The following ZNF541 variants were observed in gnomAD, a reference collection of about 807,000 sequenced individuals.
The protein encoded by ZNF541 is zinc finger protein 541.
Under a neutral mutation model 123.5 loss-of-function variants are expected in ZNF541, and 23 were observed. The ratio of observed to expected loss-of-function variants is 0.19; its 90% confidence interval spans 0.13 to 0.26. The LOEUF (loss-of-function observed/expected upper bound fraction) is 0.26, where lower values mean the gene tolerates loss of function less well. ZNF541 is among the 10% of genes least tolerant of loss of function. The pLI is 1.00. For missense variants in ZNF541, 1,612 were observed against 1,789.9 expected (o/e 0.90, Z 1.79); for synonymous variants, 751 against 754.5 (o/e 1.00, Z 0.08).
Position 47,521,045 on chromosome 19 carries a change from C to T in ZNF541, c.*179G>A, listed in dbSNP as rs1353280982. On this transcript the variant is annotated 3_prime_UTR_variant, in exon 17 of 17. Transcript: ENST00000391901. The surrounding 1 kb of genome is among the most constrained non-coding windows in gnomAD (Gnocchi z 4.2). Reference sequence around the variant, plus strand: ...CACCGGACAGGGACTGCATAGCTGTCCGACAACTGAGCTCCTCCTGCCTAT... The same window carrying T: ...CACCGGACAGGGACTGCATAGCTGTTCGACAACTGAGCTCCTCCTGCCTAT... The T allele has an allele frequency of 3.7e-5, 26 of 700,496 alleles. No homozygotes were observed. Among genetic ancestry groups the T allele is most frequent in the Non-Finnish European group, 5.8e-5 (25 of 429,162 alleles). The allele number at this position is 700,496 out of a possible 1,614,324, so 43.4% of individuals were successfully genotyped here. A position where few individuals can be genotyped will look rare whatever the true frequency, so the allele number is the denominator to read the frequency against.
chr19:47,537,577 A>T (rs1393257750), intron 9 of ZNF541, among the ~76,000 whole-genome samples: 1 of 150,784 alleles, frequency 6.6e-6, no homozygotes, highest in Non-Finnish European at 1.5e-5. Context: ...AAAAAAAAAA[A>T]AAAAAAGGAA....
chr19:47,540,182 T>C lies in ZNF541; in HGVS notation c.2616A>G (p.Glu872=), dbSNP rs769869867. 19 of 1,550,518 alleles carry C rather than the reference T, an allele frequency of 1.2e-5. No homozygotes were observed. The highest frequency in any genetic ancestry group is 1.7e-5 in the Non-Finnish European group (19 of 1,146,798). Residue 872 remains glutamate, a synonymous_variant, in exon 7 of 17, where the codon GAA becomes GAG. Transcript: ENST00000391901. ...ACTGGTCGTCCCCCTTCACCTGCGG[T>C]TCCTGCTTCCCTCGAGGTGACGGCC... The part of the protein sequence containing the change: ...DQWPSPRGKQ[E]PQVFGTEFCK...
chr19:47,531,530 C>T (rs1054551797), intron 12 of ZNF541, 112 bp downstream of exon 12: 16 of 749,252 alleles, frequency 2.1e-5, no homozygotes, highest in African/African-American at 1.6e-4. Flanking sequence ...GGAGGATGGG[C>T]GGCCTTCTTC....
At chr19:47,548,329 G>A (rs916567584) in intron 4 of ZNF541, among the ~76,000 whole-genome samples, 2 of 150,474 alleles carry the variant, frequency 1.3e-5, no homozygotes, top group African/African-American at 4.9e-5. Flanking sequence ...TGTAGTCCCA[G>A]CTGCTCTGGA....
chr19:47,561,695 T>C (rs1312815464), intron 2 of ZNF541, among the ~76,000 whole-genome samples: 1 of 149,728 alleles, frequency 6.7e-6, no homozygotes, highest in Non-Finnish European at 1.5e-5. Flanking sequence ...TGGGAGCTTT[T>C]TGTTTTTTGT....
chr19:47,543,180 A>C (rs2123109331), intron 5 of ZNF541, among the ~76,000 whole-genome samples: 1 of 152,314 alleles, frequency 6.6e-6, no homozygotes, highest in East Asian at 1.9e-4. Flanking sequence ...TTAACAAAAC[A>C]AAAATGAGGT....
intron 14 of ZNF541, among the ~76,000 whole-genome samples, chr19:47,527,701 C>T (rs1406860169): frequency 6.7e-6 from 1 of 149,844 alleles, no homozygotes. Flanking sequence ...TGACCTCATC[C>T]TTTTTTTCTT....
chr19:47,553,111 A>T (rs576519053), intron 3 of ZNF541, among the ~76,000 whole-genome samples: 18 of 152,200 alleles, frequency 1.2e-4, no homozygotes, highest in Admixed American at 2.0e-4. Flanking sequence ...CCGTCTCAAA[A>T]AAATAAATAA....
intron 9 of ZNF541, among the ~76,000 whole-genome samples, chr19:47,535,055 A>C (rs1969754526): frequency 6.6e-6 from 1 of 151,870 alleles, no homozygotes; most frequent in Non-Finnish European, 1.5e-5. Context: ...CCTGGGTTCA[A>C]GCGATTCTCT....
chr19:47,547,659 G>C (rs1238754534), intron 4 of ZNF541, among the ~76,000 whole-genome samples: 2 of 152,140 alleles, frequency 1.3e-5, no homozygotes, highest in African/African-American at 4.8e-5. Flanking sequence ...AGATGGATTA[G>C]TCAAAGCCCC....
At chr19:47,544,032 G>A (rs1970194790) in intron 5 of ZNF541, 94 bp downstream of exon 5, 1 of 1,373,636 alleles carries the variant, frequency 7.3e-7, no homozygotes, top group African/African-American at 1.5e-5. Flanking sequence ...TGCATCTGGG[G>A]ACTCTCTGAA....
intron 9 of ZNF541, among the ~76,000 whole-genome samples, chr19:47,536,634 C>T (rs571507915): frequency 3.3e-5 from 5 of 152,264 alleles, no homozygotes; most frequent in Admixed American, 3.3e-4. Context: ...GGGGTGCATG[C>T]CTGTAGGCCC....
chr19:47,552,283 C>A (rs892292011), intron 3 of ZNF541, among the ~76,000 whole-genome samples: 12 of 152,154 alleles, frequency 7.9e-5, no homozygotes, highest in African/African-American at 2.4e-4. Context: ...CGTGCAAATT[C>A]TCTGTGGCTC....
chr19:47,547,482 T>C (rs1970404751), intron 4 of ZNF541, among the ~76,000 whole-genome samples: 2 of 152,160 alleles, frequency 1.3e-5, no homozygotes, highest in South Asian at 4.1e-4. Context: ...CGATGTGGAC[T>C]AAATCATAAA....
At position 47,545,746 on chromosome 19, in the gene ZNF541, C is replaced by T. The variant is rs1297550871; in HGVS notation, c.783G>A (p.Glu261=). ...PSSLRSLVPP[E]ARSPGSLLPH... The stretch of plus-strand genomic sequence containing the variant: ...GCAGGAGGGAGCCGGGGGACCTGGC[C>T]TCTGGGGGCACCAGGGACCGCAGGC... Residue 261 remains glutamate, a synonymous_variant, in exon 5 of 17, where the codon GAG becomes GAA. Coordinates refer to ENST00000391901, the MANE Select transcript of ZNF541 (RefSeq NM_001277075.3). The surrounding 1 kb of genome is among the most constrained non-coding windows in gnomAD (Gnocchi z 7.5). The T allele has an allele frequency of 5.2e-6, 8 of 1,543,962 alleles. No individual in the cohort carries two copies. In the East Asian group the frequency reaches 1.2e-4, roughly 24 times the overall value.
At position 47,531,669 on chromosome 19, in the gene ZNF541, G is replaced by A. The variant is rs373620703; in HGVS notation, c.3378C>T (p.Cys1126=). 5 of 1,547,396 alleles carry A rather than the reference G, an allele frequency of 3.2e-6. No homozygotes were observed. Among genetic ancestry groups the A allele is most frequent in the Non-Finnish European group, 4.4e-6 (5 of 1,143,794 alleles). The change falls in exon 12 of 17, where the codon TGC becomes TGT. Residue 1126 remains cysteine, a synonymous_variant. Transcript: ENST00000391901. ...GAACGTTGCCCTGAGCCTCGTGCAGGCAGTGCAGAGCGAGCTCCAGGTTGG... is the reference window on the plus strand; with the variant it reads ...GAACGTTGCCCTGAGCCTCGTGCAGACAGTGCAGAGCGAGCTCCAGGTTGG... ...GGTNLELALH[C]LHEAQGNVQV...
intron 3 of ZNF541, among the ~76,000 whole-genome samples, chr19:47,552,772 G>A (rs1432413496): frequency 5.3e-3 from 218 of 41,232 alleles, no homozygotes; most frequent in African/African-American, 7.4e-3. Flanking sequence ...AAAAAAAAAA[G>A]CCTATTAAAG....
chr19:47,548,442 C>CAAAAAA (rs574466068), intron 4 of ZNF541, among the ~76,000 whole-genome samples: 1 of 60,386 alleles, frequency 1.7e-5, no homozygotes, highest in Non-Finnish European at 4.2e-5. Flanking sequence ...GACTCCATCT[C>CAAAAAA]AAAAAAAAAA....
In ZNF541 at chr19:47,555,682, G is replaced by C; in HGVS notation, c.175C>G (p.Pro59Ala). ...ACCTCGCTGGACATGTCAGGCGTTGGGAGGCTGGGGTCCGGGTCCAGACCA... is the reference window on the plus strand; with the variant it reads ...ACCTCGCTGGACATGTCAGGCGTTGCGAGGCTGGGGTCCGGGTCCAGACCA... ...LSGLDPDPSL[P>A]TPDMSSEVLE... The change falls in exon 3 of 17, where the codon CCA (proline) becomes GCA (alanine). Residue 59 changes from proline to alanine, a missense_variant. Coordinates refer to ENST00000391901, the MANE Select transcript of ZNF541 (RefSeq NM_001277075.3). 6.4e-7 allele frequency: 1 copy of C among 1,551,762 alleles called. No individual in the cohort carries two copies. The highest frequency in any genetic ancestry group is 1.2e-5 in the South Asian group (1 of 84,066).
Sources: allele counts gnomAD v4.1 joint callset (sites outside exome capture counted in the v4.1 genomes callset), GRCh38; gene constraint gnomAD v4.1.1; non-coding constraint Gnocchi (gnomAD v3.1); transcripts MANE v1.5; gene names NCBI Gene and HGNC (gene_info 2026-07-23, HGNC 2026-07-21).